P2RX5: variants seen among roughly 807,000 people sequenced by gnomAD.
P2RX5 encodes purinergic receptor P2X 5.
A neutral mutation model predicts 54.1 loss-of-function variants in P2RX5; 46 were observed. That is an observed-to-expected ratio of 0.85 (90% CI 0.67 to 1.09). The LOEUF is 1.09. Among genes scored for constraint, P2RX5 ranks in the 50% least tolerant of loss-of-function variants. P2RX5 has a pLI of 0.00. For missense variants in P2RX5, 566 were observed against 549.8 expected, an observed-to-expected ratio of 1.03 and a Z score of -0.29; for synonymous variants, 226 against 226.4, an observed-to-expected ratio of 1.00 and a Z score of 0.02.
In P2RX5 at chr17:3,692,812, G is replaced by A. The variant is rs140731420; in HGVS notation, c.138-1018C>T. 4.0e-3 allele frequency among the ~76,000 whole-genome samples: 610 copies of A among 152,104 alleles called. 1 individual carries two copies. The highest frequency in any genetic ancestry group is 4.1e-3 in the Non-Finnish European group (281 of 68,012). ...AGCCATGATTGTGCCCAGGTGACAG[G>A]GTGAGACCCAGCCTCAAAAACAACA... is the stretch of plus-strand genomic sequence containing the variant. On this transcript the variant is annotated intron_variant, in intron 1 of 11. Coordinates refer to ENST00000225328, the MANE Select transcript of P2RX5 (RefSeq NM_002561.4).
the P2RX5 span, among the ~76,000 whole-genome samples, chr17:3,704,444 G>T: frequency 2.0e-5 from 3 of 152,182 alleles, no homozygotes; most frequent in African/African-American, 4.8e-5. Context: ...GTCCTTCCAT[G>T]ACGGACATAT....
At chr17:3,720,483 T>A in the P2RX5 span, 2 of 702,340 alleles carry the variant, frequency 2.8e-6, no homozygotes, top group Admixed American at 2.1e-5. Flanking sequence ...CTTCACCACC[T>A]TTCCCTTTAA....
rs367988345 is a variant in P2RX5 at position 3,688,084 on chromosome 17, G to C, written c.909C>G (p.Asp303Glu). Residue 303 changes from aspartate to glutamate, a missense_variant, in exon 9 of 12, where the codon GAC (aspartate) becomes GAG (glutamate). By Grantham distance (45) the Asp-to-Glu change is conservative (BLOSUM62 2). Coordinates refer to ENST00000225328, the MANE Select transcript of P2RX5 (RefSeq NM_002561.4). ...YNFRFARYYR[D>E]AAGVEFRTLM... ...GGGTGCGGAACTCCACCCCGGCTGC[G>C]TCTCGGTAATATCTGGCAAATCTGA... is the stretch of plus-strand genomic sequence containing the variant. The C allele has an allele frequency of 2.0e-5, 32 of 1,603,276 alleles. No homozygotes were observed. Among genetic ancestry groups the C allele is most frequent in the Admixed American group, 1.7e-5 (1 of 59,426 alleles).
At chr17:3,723,200 T>A in the P2RX5 span, 1 of 919,602 alleles carries the variant, frequency 1.1e-6, no homozygotes, top group Non-Finnish European at 1.8e-6. Flanking sequence ...GACATGGACA[T>A]GTTATGCAAA....
chr17:3,691,443 G>A (rs564802002), intron 2 of P2RX5, among the ~76,000 whole-genome samples: 31 of 152,358 alleles, frequency 2.0e-4, no homozygotes, highest in African/African-American at 5.1e-4. Context: ...GCAGTCACCC[G>A]CGGCACAGTC....
the P2RX5 span, chr17:3,722,531 A>G: frequency 6.5e-6 from 1 of 152,898 alleles, no homozygotes; most frequent in Non-Finnish European, 1.5e-5. Context: ...TTTAAGAAGA[A>G]ACCACCTACG....
rs1320842456 is a variant in P2RX5, at chr17:3,696,084, C to G, written c.-79G>C. 1.8e-5 allele frequency: 26 copies of G among 1,453,264 alleles called. No individual in the cohort carries two copies. In the East Asian group the frequency reaches 6.7e-4, roughly 38 times the overall value. 90.0% of individuals were successfully genotyped at this position (1,453,264 alleles called of 1,614,324 possible). A position where few individuals can be genotyped will look rare whatever the true frequency, so the allele number is the denominator to read the frequency against. ...AGCACTCGGTCCCTCGGTCCCTGCG[C>G]GCCCGGCGCCCGCCTCGGCCCGTCT... On this transcript the variant is annotated 5_prime_UTR_variant, in exon 1 of 12. Coordinates refer to ENST00000225328, the MANE Select transcript of P2RX5 (RefSeq NM_002561.4).
rs750767146 is a variant in P2RX5, at chr17:3,689,638, G to A, written c.615-8C>T. On this transcript the variant is annotated splice_region_variant and splice_polypyrimidine_tract_variant and intron_variant, in intron 6 of 11. Transcript: ENST00000225328. The stretch of plus-strand genomic sequence containing the variant: ...ACGTCCATCACATTGCTTCTGGGTG[G>A]AGGCCATGGGCAGCCGAGAAATGAA... 1.9e-6 allele frequency: 3 copies of A among 1,614,120 alleles called. No homozygotes were observed. In the South Asian group the frequency reaches 3.3e-5, roughly 18 times the overall value.
At chr17:3,709,980 A>G in the P2RX5 span, among the ~76,000 whole-genome samples, 1 of 152,214 alleles carries the variant, frequency 6.6e-6, no homozygotes, top group East Asian at 1.9e-4. Flanking sequence ...TTGATTCCAT[A>G]TACTGAATCT....
chr17:3,691,520 G>C, intron 2 of P2RX5, 124 bp downstream of exon 2: 1 of 1,204,824 alleles, frequency 8.3e-7, no homozygotes, highest in South Asian at 1.3e-5. Context: ...AGCCCTGGCA[G>C]CTGTCTTGGG....
chr17:3,680,721 GC>G, intron 10 of P2RX5, among the ~76,000 whole-genome samples: 1 of 105,834 alleles, frequency 9.4e-6, no homozygotes, highest in Non-Finnish European at 1.9e-5. Context: ...CCTCCACCCT[GC>G]ATCCTCCACC....
At chr17:3,723,162 G>A in the P2RX5 span, 4 of 685,748 alleles carry the variant, frequency 5.8e-6, no homozygotes, top group African/African-American at 3.5e-5. Flanking sequence ...ACAGAGGGTT[G>A]GTTTTTTGCA....
intron 2 of P2RX5, 54 bp downstream of exon 2, chr17:3,691,590 C>T (rs1229677414): frequency 5.0e-6 from 8 of 1,611,386 alleles, no homozygotes; most frequent in Non-Finnish European, 5.9e-6. Context: ...TGTGACCCAC[C>T]CGAACCAGGC....
At chr17:3,716,732 C>G in the P2RX5 span, 2 of 1,612,036 alleles carry the variant, frequency 1.2e-6, no homozygotes, top group African/African-American at 2.7e-5. Flanking sequence ...AGAAGTCCAC[C>G]AACGCTGCCT....
chr17:3,706,682 G>A, the P2RX5 span, among the ~76,000 whole-genome samples: 2 of 152,060 alleles, frequency 1.3e-5, no homozygotes, highest in African/African-American at 2.4e-5. Context: ...TGTGATCTCG[G>A]CTCACCGCAA....
the P2RX5 span, chr17:3,720,583 CCT>C: frequency 5.1e-6 from 2 of 389,890 alleles, no homozygotes; most frequent in Non-Finnish European, 8.8e-6. Flanking sequence ...TCTTCAACTT[CCT>C]TTTTTTTTTT....
the P2RX5 span, among the ~76,000 whole-genome samples, chr17:3,706,978 T>C: frequency 2.0e-5 from 3 of 152,208 alleles, no homozygotes; most frequent in African/African-American, 7.2e-5. Flanking sequence ...TCTCAAAATA[T>C]AATGTAAGCT....
At chr17:3,708,265 C>A in the P2RX5 span, among the ~76,000 whole-genome samples, 4 of 152,022 alleles carry the variant, frequency 2.6e-5, no homozygotes, top group Non-Finnish European at 4.4e-5. Flanking sequence ...TTAGCTCCCC[C>A]ACTTTGGAGA....
At chr17:3,683,360 A>C (rs575900113) in intron 9 of P2RX5, among the ~76,000 whole-genome samples, 1 of 152,240 alleles carries the variant, frequency 6.6e-6, no homozygotes, top group African/African-American at 2.4e-5. Flanking sequence ...AACCTTGACC[A>C]CCACCTCTTC....
Sources: gnomAD v4.1 joint callset for allele counts (sites outside exome capture counted in the v4.1 genomes callset) on GRCh38, gnomAD v4.1.1 for gene constraint, MANE v1.5 for transcripts, NCBI Gene and HGNC (gene_info 2026-07-23, HGNC 2026-07-21) for gene names.